The following ADAMTSL2 variants were observed in gnomAD, a reference collection of about 807,000 sequenced individuals.
ADAMTSL2 encodes ADAMTS like 2, also known as ADAMTS-like protein 2.
Under a neutral mutation model 117.0 loss-of-function variants are expected in ADAMTSL2, and 55 were observed. The ratio of observed to expected loss-of-function variants is 0.47; its 90% CI spans 0.38 to 0.59. ADAMTSL2 has a LOEUF of 0.59. Ranked by LOEUF, ADAMTSL2 falls within the 20% of genes least tolerant of loss-of-function variation. The pLI is 0.00. For synonymous variants in ADAMTSL2, 572 were observed against 566.4 expected (o/e 1.01, Z -0.14); for missense variants, 1,182 against 1,354.5 (o/e 0.87, Z 2.00).
At chr9:133,565,427 C>G (rs1182081465) in intron 12 of ADAMTSL2, among the ~76,000 whole-genome samples, 2 of 152,286 alleles carry the variant, frequency 1.3e-5, no homozygotes, top group Non-Finnish European at 2.9e-5. Flanking sequence ...TAACCAGGCA[C>G]TTGGCGATGG....
In ADAMTSL2 at chr9:133,574,948, C is replaced by G. The variant is rs922654830; in HGVS notation, c.*84C>G. 21 of 1,087,414 alleles carry G rather than the reference C, an allele frequency of 1.9e-5. No homozygotes were observed. The highest frequency in any genetic ancestry group is 3.1e-5 in the African/African-American group (2 of 64,406). 67.4% of individuals were successfully genotyped at this position (1,087,414 alleles called of 1,614,324 possible). A position where few individuals can be genotyped will look rare whatever the true frequency, so the allele number is the denominator to read the frequency against. ...AGCTTCTGGGGCCTCCACAGACCCC[C>G]CTCCTGCGGGGCACGCTGGCCTAAG... On this transcript the variant is annotated 3_prime_UTR_variant, in exon 19 of 19. Coordinates refer to ENST00000651351, the MANE Select transcript of ADAMTSL2 (RefSeq NM_014694.4).
chr9:133,551,565 C>G (rs1830484130), intron 9 of ADAMTSL2, among the ~76,000 whole-genome samples: 1 of 152,172 alleles, frequency 6.6e-6, no homozygotes, highest in African/African-American at 2.4e-5. Flanking sequence ...TCGCAGTGTG[C>G]CAGAAGTTTT....
chr9:133,539,389 C>T (rs1564493084), intron 4 of ADAMTSL2, among the ~76,000 whole-genome samples: 1 of 152,178 alleles, frequency 6.6e-6, no homozygotes, highest in South Asian at 2.1e-4. Context: ...TGTGCCAGGC[C>T]CTGTCCCGTC....
chr9:133,537,960 C>T (rs1830093843), intron 3 of ADAMTSL2, among the ~76,000 whole-genome samples: 1 of 152,196 alleles, frequency 6.6e-6, no homozygotes, highest in South Asian at 2.1e-4. Flanking sequence ...TGTGCTACTC[C>T]CTCACTGTAT....
At chr9:133,539,963 G>A (rs992552773) in intron 5 of ADAMTSL2, 90 bp downstream of exon 5, 61 of 1,212,146 alleles carry the variant, frequency 5.0e-5, no homozygotes, top group East Asian at 2.3e-4. Context: ...CTCGACGGGT[G>A]GGCAGGTGGG....
chr9:133,538,466 C>T (rs768816558), intron 4 of ADAMTSL2, 42 bp downstream of exon 4: 8 of 1,607,380 alleles, frequency 5.0e-6, no homozygotes, highest in South Asian at 4.4e-5. Context: ...CCTGCTCTCC[C>T]TGTCATCATG....
At chr9:133,543,619 CT>C (rs1830277088) in intron 7 of ADAMTSL2, among the ~76,000 whole-genome samples, 1 of 152,204 alleles carries the variant, frequency 6.6e-6, no homozygotes. Context: ...CAGGCGGGTA[CT>C]GGCCTGCAGG....
chr9:133,546,692 C>T (rs1830356101), intron 8 of ADAMTSL2, among the ~76,000 whole-genome samples: 1 of 152,204 alleles, frequency 6.6e-6, no homozygotes, highest in African/African-American at 2.4e-5. Flanking sequence ...AGGCCACAGA[C>T]TCTCCTGCTC....
Position 133,566,930 on chromosome 9 carries a change from A to C in ADAMTSL2, c.1748-6A>C. The C allele has an allele frequency of 6.2e-7, 1 of 1,604,926 alleles. No homozygotes were observed. The highest frequency in any genetic ancestry group is 8.5e-7 in the Non-Finnish European group (1 of 1,176,424). ...GCTCACAGACCCACCCCTGTCCCCA[A>C]CCCAGGGGTCATGTCTGCGTACGCC... On this transcript the variant is annotated splice_polypyrimidine_tract_variant and splice_region_variant and intron_variant, in intron 12 of 18. Coordinates refer to ENST00000651351, the MANE Select transcript of ADAMTSL2 (RefSeq NM_014694.4).
At chr9:133,547,321 G>A in intron 9 of ADAMTSL2, 108 bp downstream of exon 9, 1 of 1,146,062 alleles carries the variant, frequency 8.7e-7, no homozygotes, top group Non-Finnish European at 1.3e-6. Flanking sequence ...GGGCCACTGT[G>A]CGCGTGCACC....
intron 12 of ADAMTSL2, among the ~76,000 whole-genome samples, chr9:133,566,507 C>G (rs1417562364): frequency 6.6e-6 from 1 of 152,132 alleles, no homozygotes; most frequent in Non-Finnish European, 1.5e-5. Flanking sequence ...AGGGCGCGCC[C>G]GAACCCCCAC....
intron 11 of ADAMTSL2, among the ~76,000 whole-genome samples, 183 bp downstream of exon 11, chr9:133,556,113 A>G (rs1332279417): frequency 2.6e-5 from 4 of 152,230 alleles, no homozygotes; most frequent in African/African-American, 9.6e-5. Context: ...TCTGAGCACA[A>G]AGTCAGAGGC....
rs781734870 is a variant in ADAMTSL2, at chr9:133,544,510, C to T, written c.723C>T (p.Asp241=). ...LVTHIPAGAR[D]IQIVERKKSA... ...CCCACATCCCGGCTGGTGCCCGAGA[C>T]ATCCAGATTGTAGAGAGGAAGAAGT... is the stretch of plus-strand genomic sequence containing the variant. Residue 241 remains aspartate, a synonymous_variant, in exon 8 of 19, where the codon GAC becomes GAT. Coordinates refer to ENST00000651351, the MANE Select transcript of ADAMTSL2 (RefSeq NM_014694.4). 2 of 1,614,220 alleles carry T rather than the reference C, an allele frequency of 1.2e-6. No individual in the cohort carries two copies. Among genetic ancestry groups the T allele is most frequent in the South Asian group, 1.1e-5 (1 of 91,084 alleles).
chr9:133,544,555 G>T lies in ADAMTSL2; in HGVS notation c.763+5G>T. ...AGAAGTCCGCTGACGTGCTAGGTGGGTACGCAGTGTCTGGCAGCTGCCTCA... is the reference window on the plus strand; with the variant it reads ...AGAAGTCCGCTGACGTGCTAGGTGGTTACGCAGTGTCTGGCAGCTGCCTCA... On this transcript the variant is annotated splice_donor_5th_base_variant and intron_variant, in intron 8 of 18. Coordinates refer to ENST00000651351, the MANE Select transcript of ADAMTSL2 (RefSeq NM_014694.4). 2 of 1,613,182 alleles carry T rather than the reference G, an allele frequency of 1.2e-6. No individual in the cohort carries two copies. Among genetic ancestry groups the T allele is most frequent in the Non-Finnish European group, 1.7e-6 (2 of 1,179,110 alleles).
chr9:133,549,405 G>A (rs560276098), intron 9 of ADAMTSL2, among the ~76,000 whole-genome samples: 12 of 152,236 alleles, frequency 7.9e-5, no homozygotes, highest in South Asian at 2.1e-4. Context: ...TGGTCTCCAT[G>A]ACCATCTCAA....
chr9:133,558,830 G>A lies in ADAMTSL2; in HGVS notation c.1650-2368G>A, dbSNP rs1830664608. Among the ~76,000 whole-genome samples the A allele has an allele frequency of 1.3e-5, 2 of 152,236 alleles. No homozygotes were observed. ...GCTTCCCTGTGCTACTTCCAAGAAC[G>A]GAACCTGCTAGGCGTTGCATTGTTG... On this transcript the variant is annotated intron_variant, in intron 11 of 18. Transcript: ENST00000651351. This position sits in a 1 kb window ranked among gnomAD's most constrained non-coding sequence, Gnocchi z 4.3.
intron 12 of ADAMTSL2, among the ~76,000 whole-genome samples, 192 bp from the exon 13 acceptor site, chr9:133,566,744 G>A (rs1830983519): frequency 6.6e-6 from 1 of 152,158 alleles, no homozygotes; most frequent in Non-Finnish European, 1.5e-5. Flanking sequence ...GGGGTGCAAA[G>A]AGAAGAGCTC....
At chr9:133,533,402 T>TA (rs1429211147), upstream of ADAMTSL2, among the ~76,000 whole-genome samples, 1 of 152,122 alleles carries the variant, frequency 6.6e-6, no homozygotes, top group Non-Finnish European at 1.5e-5. Context: ...GAGAGAAACT[T>TA]AAACAACCCG....
At chr9:133,562,923 T>G (rs1244919965) in intron 12 of ADAMTSL2, among the ~76,000 whole-genome samples, 1 of 98,550 alleles carries the variant, frequency 1.0e-5, no homozygotes, top group African/African-American at 4.7e-5. Flanking sequence ...GGCGGCGTGG[T>G]GGGCACCGGC....
Sources: allele counts gnomAD v4.1 joint callset (sites outside exome capture counted in the v4.1 genomes callset), GRCh38; gene constraint gnomAD v4.1.1; non-coding constraint Gnocchi (gnomAD v3.1); transcripts MANE v1.5; gene names NCBI Gene and HGNC (gene_info 2026-07-23, HGNC 2026-07-21).